The following TMEM132D variants were observed in gnomAD, a reference collection of about 807,000 sequenced individuals.
TMEM132D encodes mature OL transmembrane protein.
A neutral mutation model predicts 62.3 loss-of-function variants in TMEM132D; 21 were observed. That is an observed-to-expected ratio of 0.34 (90% confidence interval 0.24 to 0.49). TMEM132D has a LOEUF of 0.49. Ranked by LOEUF, TMEM132D falls within the 20% of genes least tolerant of loss-of-function variation. The pLI is 0.99. For synonymous variants in TMEM132D, 621 were observed against 575.6 expected, an observed-to-expected ratio of 1.08 and a Z score of -1.13; for missense variants, 1,346 against 1,402.8, an observed-to-expected ratio of 0.96 and a Z score of 0.65.
At chr12:129,676,163 T>C (rs1317987020) in intron 2 of TMEM132D, among the ~76,000 whole-genome samples, 2 of 152,118 alleles carry the variant, frequency 1.3e-5, no homozygotes, top group African/African-American at 4.8e-5. Flanking sequence ...ACCGCTGAAT[T>C]TCAGGCAGTG....
At chr12:129,106,572 G>T (rs1405003308) in intron 5 of TMEM132D, among the ~76,000 whole-genome samples, 2 of 152,128 alleles carry the variant, frequency 1.3e-5, no homozygotes, top group East Asian at 3.9e-4. Context: ...CCATTAGCAG[G>T]TGCAGTCACC....
intron 5 of TMEM132D, among the ~76,000 whole-genome samples, chr12:129,113,510 G>A (rs1033008459): frequency 2.0e-5 from 3 of 152,116 alleles, no homozygotes; most frequent in Admixed American, 6.5e-5. Flanking sequence ...TGCCTTCATC[G>A]AGCTTACACA....
At chr12:129,809,070 G>A (rs1041215538) in intron 1 of TMEM132D, among the ~76,000 whole-genome samples, 4 of 152,156 alleles carry the variant, frequency 2.6e-5, no homozygotes, top group African/African-American at 9.6e-5. Flanking sequence ...CACTCTGGGA[G>A]GGCAAGGCGG....
At chr12:129,804,574 A>G (rs1448196358) in intron 1 of TMEM132D, among the ~76,000 whole-genome samples, 1 of 147,524 alleles carries the variant, frequency 6.8e-6, no homozygotes, top group Non-Finnish European at 1.5e-5. Context: ...ACAAACCCAC[A>G]GCCAATATCA....
intron 1 of TMEM132D, among the ~76,000 whole-genome samples, chr12:129,774,752 A>G (rs1565981105): frequency 6.6e-6 from 1 of 152,230 alleles, no homozygotes. Context: ...AAGACTGCAA[A>G]GGATTAGGCA....
chr12:129,271,067 T>A (rs61944139), intron 4 of TMEM132D, among the ~76,000 whole-genome samples: 13,447 of 152,230 alleles, frequency 0.088, 1,060 homozygotes, highest in East Asian at 0.36. Context: ...TGCCAGATAC[T>A]TACATACAAA....
chr12:129,557,535 G>A (rs935618952), intron 2 of TMEM132D, among the ~76,000 whole-genome samples: 3 of 151,318 alleles, frequency 2.0e-5, no homozygotes, highest in Admixed American at 2.0e-4. Flanking sequence ...GGCAACACAG[G>A]GAAGCCCTGT....
intron 3 of TMEM132D, among the ~76,000 whole-genome samples, chr12:129,427,006 C>T (rs576438649): frequency 6.6e-6 from 1 of 152,306 alleles, no homozygotes; most frequent in South Asian, 2.1e-4. Context: ...GCTTAATTTG[C>T]TCCTATAAGA....
chr12:129,717,460 G>T (rs1868631019), intron 1 of TMEM132D, among the ~76,000 whole-genome samples: 1 of 150,310 alleles, frequency 6.7e-6, no homozygotes, highest in Non-Finnish European at 1.5e-5. Flanking sequence ...TTAAAAATTA[G>T]AAATTTATTT....
chr12:129,116,918 C>CAAAAAAAAAAAA (rs60513263), intron 5 of TMEM132D, among the ~76,000 whole-genome samples: 31 of 59,044 alleles, frequency 5.3e-4, no homozygotes, highest in African/African-American at 1.3e-3. Context: ...AAAATTTCCG[C>CAAAAAAAAAAAA]AAAAAAAAAA....
chr12:129,838,886 T>C (rs982582320), intron 1 of TMEM132D, among the ~76,000 whole-genome samples: 1 of 152,082 alleles, frequency 6.6e-6, no homozygotes, highest in African/African-American at 2.4e-5. Context: ...TATATTCCAT[T>C]TAGCAGTATA....
At chr12:129,715,306 T>G (rs958012077) in intron 1 of TMEM132D, among the ~76,000 whole-genome samples, 3 of 152,108 alleles carry the variant, frequency 2.0e-5, no homozygotes, top group Non-Finnish European at 4.4e-5. Flanking sequence ...AGCAGCTACC[T>G]TCCCCAGGCC....
intron 1 of TMEM132D, among the ~76,000 whole-genome samples, chr12:129,735,521 C>G (rs1869395580): frequency 1.3e-5 from 2 of 152,056 alleles, no homozygotes; most frequent in Non-Finnish European, 1.5e-5. Flanking sequence ...ACCCTATATA[C>G]TTACGAAAAT....
At chr12:129,705,583 G>A (rs1336955403) in intron 1 of TMEM132D, among the ~76,000 whole-genome samples, 3 of 152,104 alleles carry the variant, frequency 2.0e-5, no homozygotes, top group Admixed American at 2.0e-4. Context: ...GTAATTGTGA[G>A]GGCAACAGAA....
intron 4 of TMEM132D, among the ~76,000 whole-genome samples, chr12:129,243,206 C>T (rs539037806): frequency 6.6e-6 from 1 of 152,160 alleles, no homozygotes. Context: ...AGTGCTTTAT[C>T]AGATGTAATG....
chr12:129,093,933 G>A (rs1051025113), intron 5 of TMEM132D, among the ~76,000 whole-genome samples: 1 of 151,660 alleles, frequency 6.6e-6, no homozygotes, highest in African/African-American at 2.4e-5. Flanking sequence ...AATGGGGAAA[G>A]GATTCCCTAT....
In TMEM132D at chr12:129,700,139, C is replaced by G. The variant is rs1174914505; in HGVS notation, c.639G>C (p.Arg213Ser). The G allele has an allele frequency of 1.2e-6, 2 of 1,613,112 alleles. No individual in the cohort carries two copies. The highest frequency in any genetic ancestry group is 8.5e-7 in the Non-Finnish European group (1 of 1,180,022). ...FSPPTVVAGR[R>S]KSVDQPEGTP... Reference sequence around the variant, plus strand: ...TCCCCTCCGGCTGGTCCACGGACTTCCTCCTCCCGGCAACCACCGTGGGGG... The same window carrying G: ...TCCCCTCCGGCTGGTCCACGGACTTGCTCCTCCCGGCAACCACCGTGGGGG... The change falls in exon 2 of 9, where the codon AGG becomes AGC. Residue 213 changes from arginine (R) to serine (S), a missense_variant. Transcript: ENST00000422113.
chr12:129,204,162 G>A (rs1270093553), intron 5 of TMEM132D, among the ~76,000 whole-genome samples: 1 of 152,168 alleles, frequency 6.6e-6, no homozygotes, highest in Non-Finnish European at 1.5e-5. Flanking sequence ...TAGTTCCCCA[G>A]CAAGGGTTCT....
At chr12:129,717,304 CTTTCA>C (rs1868623135) in intron 1 of TMEM132D, among the ~76,000 whole-genome samples, 1 of 152,198 alleles carries the variant, frequency 6.6e-6, no homozygotes, top group African/African-American at 2.4e-5. Flanking sequence ...TCTGTGCTCT[CTTTCA>C]TATTTGACAC....
Sources: allele counts gnomAD v4.1 joint callset (sites outside exome capture counted in the v4.1 genomes callset), GRCh38; gene constraint gnomAD v4.1.1; transcripts MANE v1.5; gene names NCBI Gene and HGNC (gene_info 2026-07-23, HGNC 2026-07-21).